Variants in CLN5 observed in about 807,000 individuals in gnomAD.
CLN5 encodes the protein bis(monoacylglycero)phosphate synthase CLN5.
A neutral mutation model predicts 36.7 loss-of-function variants in CLN5; 34 were observed. The ratio of observed to expected loss-of-function variants is 0.93; its 90% CI spans 0.71 to 1.23. The LOEUF (loss-of-function observed/expected upper bound fraction) is 1.23, where lower values mean the gene tolerates loss of function less well. Among genes scored for constraint, CLN5 ranks in the 50% most tolerant of loss-of-function variants. CLN5 has a pLI of 0.00. For synonymous variants in CLN5, 151 were observed against 155.1 expected (o/e 0.97, Z 0.20); for missense variants, 427 against 439.4 (o/e 0.97, Z 0.25).
chr13:76,995,012 G>T, intron 1 of CLN5, 51 bp from the exon 2 acceptor site: 1 of 1,556,810 alleles, frequency 6.4e-7, no homozygotes, highest in South Asian at 1.1e-5. Flanking sequence ...GACGTGAGAA[G>T]AATCAGATTC....
In CLN5 at chr13:77,001,090, CA is replaced by C; in HGVS notation, c.*122del. On this transcript the variant is annotated 3_prime_UTR_variant, in exon 4 of 4. Transcript: ENST00000377453. ...TGGTGCATAAAGTTAAAATGCACAT[CA>C]GCAGAATTGCTGCATATTAACATCT... 6.0e-6 allele frequency: 5 copies of C among 833,576 alleles called. No individual in the cohort carries two copies. The South Asian group carries it at 7.8e-5, about 13-fold the overall frequency. The allele number at this position is 833,576 out of a possible 1,614,324, so 51.6% of individuals were successfully genotyped here.
chr13:76,994,816 T>C, intron 1 of CLN5: 1 of 404,736 alleles, frequency 2.5e-6, no homozygotes, highest in Non-Finnish European at 4.4e-6. Flanking sequence ...ATTCCTGTCT[T>C]CAAAATTTTC....
chr13:76,996,224 C>G, intron 3 of CLN5, 97 bp downstream of exon 3: 1 of 1,033,790 alleles, frequency 9.7e-7, no homozygotes, highest in Non-Finnish European at 1.5e-6. Context: ...TAATGTTTTA[C>G]TTAGAGGTCA....
Position 77,000,348 on chromosome 13 carries a change from G to A in CLN5, c.566-110G>A, listed in dbSNP as rs150138832. ...TGCAGTGAGCTGTGATGTTACCACC[G>A]CACTCTAGCCTCGGCAACAGAGGGA... On this transcript the variant is annotated intron_variant, in intron 3 of 3. Transcript: ENST00000377453. 7.6e-5 allele frequency: 76 copies of A among 998,614 alleles called. No individual in the cohort carries two copies. The African/African-American group carries it at 1.1e-3, about 15-fold the overall frequency. 61.9% of individuals were successfully genotyped at this position (998,614 alleles called of 1,614,324 possible).
At chr13:76,995,420 A>G (rs192374714) in intron 2 of CLN5, 192 bp downstream of exon 2, 2 of 620,170 alleles carry the variant, frequency 3.2e-6, no homozygotes, top group African/African-American at 1.8e-5. Context: ...AAATGTAATC[A>G]CCATTATCCA....
rs1355560586 is a variant in CLN5 at position 77,004,480 on chromosome 13, C to T, written c.*3511C>T. On this transcript the variant is annotated 3_prime_UTR_variant, in exon 4 of 4. Coordinates refer to ENST00000377453, the MANE Select transcript of CLN5 (RefSeq NM_006493.4). ...TAGGATTATTTATCCTTTTATTGGA[C>T]TGATTATTCTAAGGATAAGCTCTTA... 6.6e-6 allele frequency: 1 copy of T among 152,138 alleles called. No individual in the cohort carries two copies. The highest frequency in any genetic ancestry group is 2.4e-5 in the African/African-American group (1 of 41,406). The allele number at this position is 152,138 out of a possible 1,614,324, so 9.4% of individuals were successfully genotyped here. A position where few individuals can be genotyped will look rare whatever the true frequency, so the allele number is the denominator to read the frequency against.
intron 1 of CLN5, chr13:76,993,480 A>C (rs2034214353): frequency 6.6e-6 from 1 of 152,246 alleles, no homozygotes; most frequent in African/African-American, 2.4e-5. Flanking sequence ...CAATAGAACA[A>C]GAATTGTAAA....
Position 76,995,984 on chromosome 13 carries a change from T to C in CLN5, c.422T>C (p.Leu141Pro). The C allele has an allele frequency of 6.2e-7, 1 of 1,614,220 alleles. No homozygotes were observed. Among genetic ancestry groups the C allele is most frequent in the Non-Finnish European group, 8.5e-7 (1 of 1,180,036 alleles). The change falls in exon 3 of 4, where the codon CTT becomes CCT. Residue 141 changes from leucine (L) to proline (P), a missense_variant. Coordinates refer to ENST00000377453, the MANE Select transcript of CLN5 (RefSeq NM_006493.4). ...YTMEWYELFQ[L>P]GNCTFPHLRP... Reference sequence around the variant, plus strand: ...ATGGAATGGTATGAACTTTTCCAACTTGGCAACTGTACATTTCCCCATCTC... The same window carrying C: ...ATGGAATGGTATGAACTTTTCCAACCTGGCAACTGTACATTTCCCCATCTC...
At chr13:77,000,364 A>G in intron 3 of CLN5, 94 bp from the exon 4 acceptor site, 1 of 1,220,662 alleles carries the variant, frequency 8.2e-7, no homozygotes, top group South Asian at 1.6e-5. Flanking sequence ...TAGCCTCGGC[A>G]ACAGAGGGAG....
At chr13:76,996,218 G>A (rs2034266118) in intron 3 of CLN5, 91 bp downstream of exon 3, 1 of 1,112,680 alleles carries the variant, frequency 9.0e-7, no homozygotes, top group African/African-American at 1.5e-5. Context: ...TTTCAGTAAT[G>A]TTTTACTTAG....
Position 77,000,645 on chromosome 13 carries a change from C to T in CLN5, c.753C>T (p.Asn251=). ...CTGAATTTGGAGCAGAGTTCAAGAA[C>T]ATAGAAACCAACTATACAAGAATAT... The part of the protein sequence containing the change: ...KLAEFGAEFK[N]IETNYTRIFL... The change falls in exon 4 of 4, where the codon AAC becomes AAT. Residue 251 remains asparagine (N), a synonymous_variant. Transcript: ENST00000377453. 6.2e-7 allele frequency: 1 copy of T among 1,614,028 alleles called. No individual in the cohort carries two copies. The highest frequency in any genetic ancestry group is 8.5e-7 in the Non-Finnish European group (1 of 1,179,936).
At chr13:76,996,775 T>C (rs979619554) in intron 3 of CLN5, 6 of 152,816 alleles carry the variant, frequency 3.9e-5, no homozygotes, top group Non-Finnish European at 8.8e-5. Flanking sequence ...TGGGAAAGTA[T>C]TTTTTGCGTA....
At position 77,003,577 on chromosome 13, in the gene CLN5, C is replaced by A. The variant is rs2034398081; in HGVS notation, c.*2608C>A. 6.6e-6 allele frequency: 1 copy of A among 152,196 alleles called. No individual in the cohort carries two copies. The highest frequency in any genetic ancestry group is 6.5e-5 in the Admixed American group (1 of 15,282). The allele number at this position is 152,196 out of a possible 1,614,324, so 9.4% of individuals were successfully genotyped here. ...CAATTAAGTTTTGCTGCCCTTTGAG[C>A]AATATGACTTAATGTGATTTACTTT... On this transcript the variant is annotated 3_prime_UTR_variant, in exon 4 of 4. Transcript: ENST00000377453.
intron 1 of CLN5, chr13:76,993,332 A>T (rs114908102): frequency 6.6e-6 from 1 of 152,214 alleles, no homozygotes; most frequent in Non-Finnish European, 1.5e-5. Context: ...AAACCTAGAT[A>T]GTGTATTCTG....
intron 1 of CLN5, chr13:76,994,772 C>G (rs1044056177): frequency 2.8e-5 from 9 of 317,722 alleles, no homozygotes; most frequent in African/African-American, 1.7e-4. Flanking sequence ...CAAATGTCTA[C>G]TATGATCTGG....
rs1407745280 is a variant in CLN5 at position 77,002,052 on chromosome 13, A to G, written c.*1083A>G. On this transcript the variant is annotated 3_prime_UTR_variant, in exon 4 of 4. Transcript: ENST00000377453. ...TTGATGATCAACTGAACACGTTTCTATTCAAGGAGAAAACACCATTCAGTA... is the reference window on the plus strand; with the variant it reads ...TTGATGATCAACTGAACACGTTTCTGTTCAAGGAGAAAACACCATTCAGTA... 6.6e-6 allele frequency: 1 copy of G among 152,230 alleles called. No homozygotes were observed. Among genetic ancestry groups the G allele is most frequent in the Non-Finnish European group, 1.5e-5 (1 of 68,032 alleles). The allele number at this position is 152,230 out of a possible 1,614,324, so 9.4% of individuals were successfully genotyped here.
At position 77,002,256 on chromosome 13, in the gene CLN5, T is replaced by C. The variant is rs922885553; in HGVS notation, c.*1287T>C. 2 of 152,242 alleles carry C rather than the reference T, an allele frequency of 1.3e-5. No homozygotes were observed. Among genetic ancestry groups the C allele is most frequent in the African/African-American group, 2.4e-5 (1 of 41,480 alleles). The allele number at this position is 152,242 out of a possible 1,614,324, so 9.4% of individuals were successfully genotyped here. On this transcript the variant is annotated 3_prime_UTR_variant, in exon 4 of 4. Coordinates refer to ENST00000377453, the MANE Select transcript of CLN5 (RefSeq NM_006493.4). Reference sequence around the variant, plus strand: ...TGATCCAAATGAGTAAAGTGGACCTTAGAAAGGCTAAGTGATCTTTCTCTG... The same window carrying C: ...TGATCCAAATGAGTAAAGTGGACCTCAGAAAGGCTAAGTGATCTTTCTCTG...
At chr13:77,000,272 C>T in intron 3 of CLN5, 186 bp from the exon 4 acceptor site, 1 of 509,892 alleles carries the variant, frequency 2.0e-6, no homozygotes. Flanking sequence ...GTAGTCCCAG[C>T]TACTCAGGAG....
intron 3 of CLN5, chr13:76,998,163 T>G (rs1231983115): frequency 6.6e-6 from 1 of 152,236 alleles, no homozygotes; most frequent in Non-Finnish European, 1.5e-5. Context: ...CCTCCCAAAA[T>G]GTATATGATC....
Sources: gnomAD v4.1 joint callset for allele counts on GRCh38, gnomAD v4.1.1 for gene constraint, MANE v1.5 for transcripts, NCBI Gene and HGNC (gene_info 2026-07-23, HGNC 2026-07-21) for gene names.